CHD9: variants seen among roughly 807,000 people sequenced by gnomAD.
CHD9 encodes the protein chromodomain helicase DNA binding protein 9.
CHD9 carries 77 observed loss-of-function variants against 316.1 expected under a neutral mutation model. The ratio of observed to expected loss-of-function variants is 0.24; its 90% CI spans 0.20 to 0.29. The LOEUF (loss-of-function observed/expected upper bound fraction) is 0.29, where lower values mean the gene tolerates loss of function less well. Ranked by LOEUF, CHD9 falls within the 10% of genes least tolerant of loss-of-function variation. The pLI, the probability that CHD9 is intolerant of heterozygous loss-of-function variation, is 1.00. For synonymous variants in CHD9, 1,129 were observed against 1,158.3 expected, an observed-to-expected ratio of 0.97 and a Z score of 0.51; for missense variants, 2,763 against 3,438.1, an observed-to-expected ratio of 0.80 and a Z score of 4.91.
chr16:53,066,129 G>A (rs1392489582), intron 1 of CHD9, among the ~76,000 whole-genome samples: 1 of 152,166 alleles, frequency 6.6e-6, no homozygotes, highest in Admixed American at 6.5e-5. Flanking sequence ...TCCTACCCCA[G>A]TTCCATCACT....
rs548090628 is a variant in CHD9, at chr16:53,156,625, C to T, written c.536C>T (p.Ser179Leu). 31 of 1,613,940 alleles carry T rather than the reference C, an allele frequency of 1.9e-5. No homozygotes were observed. In the South Asian group the frequency reaches 3.3e-4, roughly 17 times the overall value. ...EQQTQCTSLR[S>L]QQNRNNLNPG... is the part of the protein sequence containing the mutation. ...CAAACACAGTGTACTTCACTACGCT[C>T]ACAACAAAACAGAAATAATCTCAAC... Residue 179 changes from serine to leucine, a missense_variant, in exon 2 of 39, where the codon TCA becomes TTA. By Grantham distance (145) the Ser-to-Leu change is moderately radical. Transcript: ENST00000447540.
intron 1 of CHD9, among the ~76,000 whole-genome samples, chr16:53,127,283 T>A (rs2039012834): frequency 6.6e-6 from 1 of 152,194 alleles, no homozygotes; most frequent in South Asian, 2.1e-4. Context: ...CTTGATTGTA[T>A]AAGTTTTCTC....
At chr16:53,141,091 C>G (rs2040072746) in intron 1 of CHD9, among the ~76,000 whole-genome samples, 1 of 152,100 alleles carries the variant, frequency 6.6e-6, no homozygotes, top group Non-Finnish European at 1.5e-5. Context: ...CATGAAAGCT[C>G]AATTTGTAAA....
At position 53,156,352 on chromosome 16, in the gene CHD9, G is replaced by T. The variant is rs199962969; in HGVS notation, c.263G>T (p.Ser88Ile). Residue 88 changes from serine (S) to isoleucine (I), a missense_variant, in exon 2 of 39, where the codon AGC becomes ATC. By Grantham distance (142) the Ser-to-Ile change is moderately radical. Around this residue, in one of 15 missense-constraint regions of CHD9, gnomAD observed 859 missense variants for 890.4 expected, o/e 0.96. Transcript: ENST00000447540. ...KFHHVNQSFG[S>I]PAEHVLSPHS... is the part of the protein sequence containing the mutation. ...CACCATGTTAATCAATCTTTTGGTA[G>T]CCCAGCTGAACATGTGTTATCTCCA... 1 of 1,613,944 alleles carries T rather than the reference G, an allele frequency of 6.2e-7. No homozygotes were observed. The highest frequency in any genetic ancestry group is 1.3e-5 in the African/African-American group (1 of 75,048).
At chr16:53,201,985 A>T (rs1236339614) in intron 2 of CHD9, among the ~76,000 whole-genome samples, 1 of 151,904 alleles carries the variant, frequency 6.6e-6, no homozygotes, top group Non-Finnish European at 1.5e-5. Context: ...CAGCCTCCCA[A>T]GCAACTCGGA....
In CHD9 at chr16:53,156,286, C is replaced by G; in HGVS notation, c.197C>G (p.Thr66Ser). Residue 66 changes from threonine to serine, a missense_variant, in exon 2 of 39, where the codon ACT becomes AGT. This residue lies in a region of CHD9 where 859 missense variants were observed against 890.4 expected (regional missense o/e 0.96). Transcript: ENST00000447540. ...VQGTPTHQKM[T>S]DFEQLNQFDS... ...GGTACTCCAACACATCAGAAGATGA[C>G]TGATTTTGAACAGTTAAATCAATTT... 6.2e-7 allele frequency: 1 copy of G among 1,613,916 alleles called. No homozygotes were observed. Among genetic ancestry groups the G allele is most frequent in the South Asian group, 1.1e-5 (1 of 91,084 alleles).
chr16:53,228,584 A>G (rs1343810863), intron 7 of CHD9, among the ~76,000 whole-genome samples: 1 of 123,196 alleles, frequency 8.1e-6, no homozygotes, highest in Non-Finnish European at 1.6e-5. Flanking sequence ...TCTGTCGCCC[A>G]GGCCGGACTG....
intron 3 of CHD9, among the ~76,000 whole-genome samples, chr16:53,210,270 C>T (rs1259367335): frequency 1.4e-5 from 2 of 144,234 alleles, no homozygotes; most frequent in Non-Finnish European, 3.0e-5. Flanking sequence ...AAAACCACAA[C>T]TTTGGACTGA....
At chr16:53,195,755 A>AATGT (rs2044856328) in intron 2 of CHD9, among the ~76,000 whole-genome samples, 1 of 149,520 alleles carries the variant, frequency 6.7e-6, no homozygotes, top group Non-Finnish European at 1.5e-5. Context: ...AGAGAGATTC[A>AATGT]ATGTATGCTT....
chr16:53,313,553 A>G (rs1201344314), intron 34 of CHD9, among the ~76,000 whole-genome samples: 1 of 151,988 alleles, frequency 6.6e-6, no homozygotes, highest in Non-Finnish European at 1.5e-5. Flanking sequence ...TGATCTGCCC[A>G]CCTCGTCCTT....
intron 1 of CHD9, among the ~76,000 whole-genome samples, chr16:53,113,040 T>C (rs2037989517): frequency 6.6e-6 from 1 of 151,790 alleles, no homozygotes; most frequent in African/African-American, 2.4e-5. Context: ...ATAAATTATG[T>C]GTGCTTGGTG....
At chr16:53,077,711 T>A (rs1036832406) in intron 1 of CHD9, among the ~76,000 whole-genome samples, 1 of 152,186 alleles carries the variant, frequency 6.6e-6, no homozygotes, top group Admixed American at 6.5e-5. Context: ...AGTTGATGAA[T>A]TCAGTACCTC....
At chr16:53,194,290 C>T (rs1241189008) in intron 2 of CHD9, among the ~76,000 whole-genome samples, 1 of 151,674 alleles carries the variant, frequency 6.6e-6, no homozygotes, top group Non-Finnish European at 1.5e-5. Context: ...ATAAAGTAAA[C>T]CCCGAGGCTG....
intron 30 of CHD9, among the ~76,000 whole-genome samples, chr16:53,302,322 T>C (rs928985534): frequency 6.6e-6 from 1 of 152,196 alleles, no homozygotes; most frequent in Non-Finnish European, 1.5e-5. Flanking sequence ...GATCAGTTAT[T>C]TAGCCATGTA....
intron 3 of CHD9, among the ~76,000 whole-genome samples, chr16:53,216,919 T>C (rs1415732221): frequency 1.3e-5 from 2 of 152,156 alleles, no homozygotes; most frequent in African/African-American, 4.8e-5. Flanking sequence ...AGGTCAGAGT[T>C]CCCTTAAGCT....
intron 2 of CHD9, among the ~76,000 whole-genome samples, chr16:53,187,626 T>C (rs1342556621): frequency 1.3e-5 from 2 of 152,078 alleles, no homozygotes; most frequent in Admixed American, 6.6e-5. Context: ...ATAATCAGAT[T>C]TAAGACTTTG....
At chr16:53,183,069 T>A (rs2043664053) in intron 2 of CHD9, among the ~76,000 whole-genome samples, 1 of 152,212 alleles carries the variant, frequency 6.6e-6, no homozygotes, top group Non-Finnish European at 1.5e-5. Context: ...CAAAATGATG[T>A]AGTCATTTAA....
rs1275918635 is a variant in CHD9 at position 53,247,343 on chromosome 16, G to A, written c.3505G>A (p.Ala1169Thr). Residue 1169 changes from alanine to threonine, a missense_variant, in exon 16 of 39, where the codon GCT (alanine) becomes ACT (threonine). Physicochemically the swap from Ala to Thr is moderately conservative, Grantham distance 58. Transcript: ENST00000447540. ...ATTTAGAGATACTTACAATCCAGCT[G>A]CTTCTGATTTTCATCTTCAAGCAAT... The part of the protein sequence containing the change: ...GEFRDTYNPA[A>T]SDFHLQAMIQ... 3.1e-6 allele frequency: 5 copies of A among 1,606,358 alleles called. No individual in the cohort carries two copies. In the Admixed American group the frequency reaches 5.1e-5, roughly 16 times the overall value.
At chr16:53,192,858 G>A (rs760461390) in intron 2 of CHD9, among the ~76,000 whole-genome samples, 6 of 152,168 alleles carry the variant, frequency 3.9e-5, no homozygotes, top group South Asian at 4.2e-4. Context: ...ACCACAAATT[G>A]TTTATGTATT....
Sources: allele counts gnomAD v4.1 joint callset (sites outside exome capture counted in the v4.1 genomes callset), GRCh38; gene constraint gnomAD v4.1.1; regional missense constraint gnomAD v4.1.1; transcripts MANE v1.5; gene names NCBI Gene and HGNC (gene_info 2026-07-23, HGNC 2026-07-21).